The following ITGB5 variants were observed in gnomAD, a reference collection of about 807,000 sequenced individuals.
ITGB5 encodes integrin subunit beta 5.
Under a neutral mutation model 84.8 loss-of-function variants are expected in ITGB5, and 38 were observed. The observed-to-expected ratio is 0.45, with a 90% CI of 0.35 to 0.59. The LOEUF (loss-of-function observed/expected upper bound fraction) is 0.59, where lower values mean the gene tolerates loss of function less well. ITGB5 is among the 20% of genes least tolerant of loss of function. The pLI is 0.01. For missense variants in ITGB5, 905 were observed against 1,034.5 expected, an observed-to-expected ratio of 0.87 and a Z score of 1.72; for synonymous variants, 393 against 414.4, an observed-to-expected ratio of 0.95 and a Z score of 0.63.
intron 1 of ITGB5, among the ~76,000 whole-genome samples, chr3:124,900,433 T>G (rs76131088): frequency 0.029 from 4,458 of 152,354 alleles, 100 homozygotes; most frequent in South Asian, 0.045. Context: ...ATTTTCAAAC[T>G]GGCTCTCTCA....
chr3:124,806,398 G>A (rs550293789), intron 9 of ITGB5, among the ~76,000 whole-genome samples: 19 of 141,636 alleles, frequency 1.3e-4, no homozygotes, highest in South Asian at 4.7e-4. Flanking sequence ...TGTTGTTGGG[G>A]TTTTTTGGTA....
chr3:124,894,105 G>A (rs1304675129), intron 1 of ITGB5, among the ~76,000 whole-genome samples: 6 of 145,142 alleles, frequency 4.1e-5, no homozygotes, highest in Non-Finnish European at 9.0e-5. Context: ...ATCCATTAAT[G>A]AAATTATAGT....
intron 3 of ITGB5, among the ~76,000 whole-genome samples, chr3:124,851,608 A>ACAC (rs1553764715): frequency 6.9e-6 from 1 of 145,938 alleles, no homozygotes; most frequent in African/African-American, 2.5e-5. Context: ...TCAGTAAGAA[A>ACAC]ACACACACAC....
chr3:124,844,228 A>AAAG (rs2065047751), intron 4 of ITGB5, among the ~76,000 whole-genome samples: 3 of 130,672 alleles, frequency 2.3e-5, no homozygotes, highest in Admixed American at 7.8e-5. Context: ...AAAAAAAAAA[A>AAAG]AAAAGAAAAC....
intron 4 of ITGB5, among the ~76,000 whole-genome samples, chr3:124,842,804 C>T (rs2065027710): frequency 6.6e-6 from 1 of 152,180 alleles, no homozygotes; most frequent in Non-Finnish European, 1.5e-5. Flanking sequence ...GCAGACTCAC[C>T]AGGGCAGGTC....
chr3:124,825,578 C>G (rs887980381), intron 5 of ITGB5, among the ~76,000 whole-genome samples: 1 of 152,072 alleles, frequency 6.6e-6, no homozygotes, highest in African/African-American at 2.4e-5. Context: ...ACGTTAAGGG[C>G]AAAAAGCCAG....
intron 1 of ITGB5, among the ~76,000 whole-genome samples, chr3:124,898,604 A>G (rs1168661515): frequency 7.6e-6 from 1 of 131,248 alleles, no homozygotes; most frequent in Non-Finnish European, 1.6e-5. Flanking sequence ...AGATTGTGCA[A>G]CTGCACTCCA....
Position 124,867,292 on chromosome 3 carries a change from T to C in ITGB5, c.156+6154A>G, listed in dbSNP as rs572587224. Among the ~76,000 whole-genome samples, 7 of 152,328 alleles carry C rather than the reference T, an allele frequency of 4.6e-5. No individual in the cohort carries two copies. The South Asian group carries it at 1.5e-3, about 32-fold the overall frequency. ...CTCACTGTTCTTCTCCCTGTGGGAA[T>C]TCAGCTCCACAGTGGTGGCCTTGCC... On this transcript the variant is annotated intron_variant, in intron 2 of 14. Transcript: ENST00000296181.
intron 5 of ITGB5, among the ~76,000 whole-genome samples, chr3:124,832,703 C>T (rs754369696): frequency 1.3e-4 from 20 of 152,234 alleles, no homozygotes; most frequent in Admixed American, 2.0e-4. Context: ...ACAGGCATCA[C>T]GGCTACTTCA....
chr3:124,785,584 CAAAA>C (rs11372347), intron 10 of ITGB5, among the ~76,000 whole-genome samples: 1 of 95,102 alleles, frequency 1.1e-5, no homozygotes. Flanking sequence ...GACTCCATCT[CAAAA>C]AAAAAAAAAA....
intron 2 of ITGB5, among the ~76,000 whole-genome samples, chr3:124,867,559 C>T (rs930760933): frequency 9.2e-5 from 14 of 152,220 alleles, no homozygotes; most frequent in African/African-American, 2.2e-4. Context: ...GCGAGTGACA[C>T]GAGCATAAGC....
chr3:124,765,151 T>G (rs1358859164), intron 13 of ITGB5, among the ~76,000 whole-genome samples: 1 of 152,130 alleles, frequency 6.6e-6, no homozygotes, highest in African/African-American at 2.4e-5. Context: ...TTTGGAAAAA[T>G]AGTTTGCAGT....
At position 124,817,716 on chromosome 3, in the gene ITGB5, G is replaced by GA; in HGVS notation, c.1039-7dup. ...GGTATCAGGGCTGTAAAATTCTTGG[G>GA]AAAAAAAGTAAAGAAAAGAAATAAG... On this transcript the variant is annotated splice_region_variant and splice_polypyrimidine_tract_variant and intron_variant, in intron 7 of 14. Coordinates refer to ENST00000296181, the MANE Select transcript of ITGB5 (RefSeq NM_002213.5). The GA allele has an allele frequency of 5.9e-6, 9 of 1,537,808 alleles. No individual in the cohort carries two copies. Among genetic ancestry groups the GA allele is most frequent in the Admixed American group, 1.9e-5 (1 of 53,804 alleles).
intron 5 of ITGB5, among the ~76,000 whole-genome samples, chr3:124,833,902 T>C (rs537229671): frequency 7.8e-4 from 118 of 152,224 alleles, no homozygotes; most frequent in African/African-American, 2.5e-3. Flanking sequence ...AAAAATAAGA[T>C]GATAACTAGG....
chr3:124,848,872 C>T (rs1447860660), intron 3 of ITGB5, among the ~76,000 whole-genome samples: 1 of 152,072 alleles, frequency 6.6e-6, no homozygotes, highest in Non-Finnish European at 1.5e-5. Flanking sequence ...CTCTGCCTAC[C>T]AGGTTCAAGC....
At chr3:124,776,073 G>A (rs1579181077) in intron 10 of ITGB5, among the ~76,000 whole-genome samples, 1 of 152,236 alleles carries the variant, frequency 6.6e-6, no homozygotes, top group Admixed American at 6.5e-5. Flanking sequence ...AGCCAGACTC[G>A]GGCCCGGAGT....
At chr3:124,897,148 T>C (rs768575184) in intron 1 of ITGB5, among the ~76,000 whole-genome samples, 1 of 152,226 alleles carries the variant, frequency 6.6e-6, no homozygotes, top group Non-Finnish European at 1.5e-5. Flanking sequence ...TAAACTCCTA[T>C]TTGTCTTTTG....
intron 9 of ITGB5, 151 bp from the exon 10 acceptor site, chr3:124,796,968 A>C: frequency 1.4e-6 from 1 of 692,744 alleles, no homozygotes; most frequent in Non-Finnish European, 2.4e-6. Flanking sequence ...GAGTAGGAAG[A>C]GACCTCAGAA....
chr3:124,773,906 C>G lies in ITGB5; in HGVS notation c.1700G>C (p.Gly567Ala), dbSNP rs759393868. The G allele has an allele frequency of 1.2e-6, 2 of 1,614,106 alleles. No individual in the cohort carries two copies. The highest frequency in any genetic ancestry group is 3.3e-5 in the Admixed American group (2 of 60,030). Reference sequence around the variant, plus strand: ...CTTGCATTCCCCGCAGTGACACTCGCCATGGCCTAAAAGGATACATGTGGC... The same window carrying G: ...CTTGCATTCCCCGCAGTGACACTCGGCATGGCCTAAAAGGATACATGTGGC... The part of the protein sequence containing the change: ...RNKGVLCSGH[G>A]ECHCGECKCH... Residue 567 changes from glycine (G) to alanine (A), a missense_variant, in exon 11 of 15, where the codon GGC (glycine) becomes GCC (alanine). By Grantham distance (60) the Gly-to-Ala change is moderately conservative. Around this residue, in one of 3 missense-constraint regions of ITGB5, gnomAD observed 656 missense variants for 734.7 expected, o/e 0.89. Coordinates refer to ENST00000296181, the MANE Select transcript of ITGB5 (RefSeq NM_002213.5).
Sources: gnomAD v4.1 joint callset for allele counts (sites outside exome capture counted in the v4.1 genomes callset) on GRCh38, gnomAD v4.1.1 for gene constraint, gnomAD v4.1.1 regional missense constraint, MANE v1.5 for transcripts, NCBI Gene and HGNC (gene_info 2026-07-23, HGNC 2026-07-21) for gene names.